KLHL13: variants seen among roughly 807,000 people sequenced by gnomAD.
KLHL13 encodes kelch-like protein 13.
Under a neutral mutation model 37.1 loss-of-function variants are expected in KLHL13, and 10 were observed. That is an observed-to-expected ratio of 0.27 (90% CI 0.17 to 0.46). KLHL13 has a LOEUF of 0.46. Among genes scored for constraint, KLHL13 ranks in the 20% least tolerant of loss-of-function variants. The pLI, the probability that KLHL13 is intolerant of heterozygous loss-of-function variation, is 1.00. For missense variants in KLHL13, 360 were observed against 509.3 expected (o/e 0.71, Z 2.82); for synonymous variants, 163 against 181.2 (o/e 0.90, Z 0.81).
intron 1 of KLHL13, among the ~76,000 whole-genome samples, chrX:117,951,633 GAAGCTATTGCACAGGCTATAAA>G (rs1331648799): frequency 9.0e-6 from 1 of 111,495 alleles, no homozygotes; most frequent in East Asian, 2.8e-4. Flanking sequence ...AAGGCTATAA[GAAGCTATTGCACAGGCTATAAA>G]AAGCTATTGC....
At chrX:118,047,072 G>C (rs896177243) in intron 1 of KLHL13, among the ~76,000 whole-genome samples, 3 of 111,851 alleles carry the variant, frequency 2.7e-5, no homozygotes, top group East Asian at 2.8e-4. Context: ...TTTCAAACAA[G>C]TAAGAGAAGG....
At chrX:117,960,167 T>C (rs1010060360) in intron 1 of KLHL13, among the ~76,000 whole-genome samples, 21 of 111,008 alleles carry the variant, frequency 1.9e-4, no homozygotes, top group African/African-American at 6.5e-4. Context: ...GGGGGATAGC[T>C]TGAGGCTAGG....
upstream of KLHL13, chrX:117,973,819 A>ACCCCCCCCCCTCCCCCCCTCCCCC (rs1202810193): frequency 2.0e-6 from 1 of 505,966 alleles, no homozygotes; most frequent in Non-Finnish European, 2.2e-6. Context: ...CTTGTTCACC[A>ACCCCCCCCCCTCCCCCCCTCCCCC]CCCCCCCCAC....
chrX:117,926,956 A>C (rs376716803), intron 2 of KLHL13, among the ~76,000 whole-genome samples: 1 of 81,133 alleles, frequency 1.2e-5, no homozygotes, highest in East Asian at 4.6e-4. Context: ...CCCAGGCTGG[A>C]GTGCAGTGGC....
chrX:118,002,204 A>G (rs1177601420), intron 1 of KLHL13, among the ~76,000 whole-genome samples: 1 of 111,801 alleles, frequency 8.9e-6, no homozygotes, highest in African/African-American at 3.2e-5. Flanking sequence ...AGATGGGAAG[A>G]TGTCATTTTC....
chrX:118,046,708 G>C (rs960367383), intron 1 of KLHL13, among the ~76,000 whole-genome samples: 12 of 110,999 alleles, frequency 1.1e-4, no homozygotes, highest in African/African-American at 3.9e-4. Context: ...TAAATAAAAA[G>C]CAGAAAAAGA....
At chrX:117,941,648 T>C (rs1602575822) in intron 2 of KLHL13, among the ~76,000 whole-genome samples, 1 of 111,974 alleles carries the variant, frequency 8.9e-6, no homozygotes, top group Non-Finnish European at 1.9e-5. Flanking sequence ...TATTCTCTGA[T>C]GGTAGTTTCT....
chrX:117,930,294 C>A (rs186331620), intron 2 of KLHL13, among the ~76,000 whole-genome samples: 3,539 of 59,601 alleles, frequency 0.059, 74 homozygotes, highest in Non-Finnish European at 0.071. Context: ...GGAAGGAAGG[C>A]AGGCAGGCAG....
At chrX:118,048,780 T>G (rs373294079) in intron 1 of KLHL13, among the ~76,000 whole-genome samples, 249 of 110,973 alleles carry the variant, frequency 2.2e-3, no homozygotes, top group African/African-American at 7.5e-3. Flanking sequence ...CCCCTGGCCA[T>G]GACACCCTCA....
chrX:118,089,620 GAGAAAGAAAGAAAGAAAGAA>G lies in KLHL13; in HGVS notation c.-56+26868_-56+26887del, dbSNP rs3046168. Among the ~76,000 whole-genome samples the G allele has an allele frequency of 3.1e-3, 226 of 71,911 alleles. 2 individuals carry two copies. Among genetic ancestry groups the G allele is most frequent in the South Asian group, 0.017 (20 of 1,178 alleles). 62.4% of individuals were successfully genotyped at this position (71,911 alleles called of 115,157 possible). The stretch of plus-strand genomic sequence containing the variant: ...AGAGAGAGAGAGAGAGAGAAAGAAA[GAGAAAGAAAGAAAGAAAGAA>G]AGAAAGAAAGAAAGAAAGAAAGAAA... On this transcript the variant is annotated intron_variant, in intron 1 of 6. Coordinates refer to the KLHL13 transcript ENST00000371882.
chrX:118,089,614 AAG>A (rs766018261), intron 1 of KLHL13, among the ~76,000 whole-genome samples: 3 of 57,536 alleles, frequency 5.2e-5, no homozygotes, highest in African/African-American at 2.1e-4. Flanking sequence ...GAGAGAGAGA[AAG>A]AAAGAGAAAG....
At chrX:117,902,194 C>T (rs759150299) in intron 5 of KLHL13, among the ~76,000 whole-genome samples, 2 of 110,932 alleles carry the variant, frequency 1.8e-5, no homozygotes, top group African/African-American at 6.5e-5. Flanking sequence ...TCTGTCATTG[C>T]AGAAATCACT....
intron 1 of KLHL13, among the ~76,000 whole-genome samples, chrX:118,018,446 T>C (rs185795564): frequency 8.9e-6 from 1 of 111,867 alleles, no homozygotes; most frequent in Admixed American, 9.5e-5. Flanking sequence ...TAGTCCTTTA[T>C]TTAGTAAATT....
intron 1 of KLHL13, among the ~76,000 whole-genome samples, chrX:118,061,041 G>C (rs1351385201): frequency 9.0e-6 from 1 of 111,326 alleles, no homozygotes; most frequent in Non-Finnish European, 1.9e-5. Context: ...AGATACTGGT[G>C]GGGTTGGGAC....
chrX:117,962,041 A>AAAT (rs778789872), intron 1 of KLHL13, among the ~76,000 whole-genome samples: 61 of 102,327 alleles, frequency 6.0e-4, no homozygotes, highest in East Asian at 3.0e-3. Context: ...TCATCTCTAC[A>AAAT]AATAATAATA....
At chrX:117,969,061 G>A (rs1432785981) in intron 1 of KLHL13, among the ~76,000 whole-genome samples, 3 of 111,383 alleles carry the variant, frequency 2.7e-5, no homozygotes, top group African/African-American at 9.8e-5. Flanking sequence ...GTAAGTGCAG[G>A]GACTAAAGGA....
chrX:117,942,267 A>G (rs754028012), intron 2 of KLHL13, among the ~76,000 whole-genome samples: 6 of 111,816 alleles, frequency 5.4e-5, no homozygotes, highest in Non-Finnish European at 9.4e-5. Context: ...CAGTTTTACA[A>G]TAAGTGTAAT....
chrX:117,967,489 G>C (rs758837093), intron 1 of KLHL13, among the ~76,000 whole-genome samples: 8 of 111,431 alleles, frequency 7.2e-5, no homozygotes, highest in Non-Finnish European at 1.5e-4. Flanking sequence ...GAAATTCTCA[G>C]TAACTCCGTA....
intron 1 of KLHL13, among the ~76,000 whole-genome samples, chrX:118,102,418 T>G (rs763224717): frequency 8.9e-6 from 1 of 111,967 alleles, no homozygotes; most frequent in Non-Finnish European, 1.9e-5. Context: ...ATGTGATGTG[T>G]GCAAATGCTA....
Sources: gnomAD v4.1 joint callset for allele counts (sites outside exome capture counted in the v4.1 genomes callset) on GRCh38, gnomAD v4.1.1 for gene constraint, MANE v1.5 for transcripts, NCBI Gene and HGNC (gene_info 2026-07-23, HGNC 2026-07-21) for gene names.